Variants in ASTN2 observed in about 807,000 individuals in gnomAD.
ASTN2 encodes the protein astrotactin 2.
Under a neutral mutation model 139.8 loss-of-function variants are expected in ASTN2, and 54 were observed. That is an observed-to-expected ratio of 0.39 (90% CI 0.31 to 0.48). ASTN2 has a LOEUF of 0.48. Among genes scored for constraint, ASTN2 ranks in the 20% least tolerant of loss-of-function variants. The pLI is 0.95. For synonymous variants in ASTN2, 756 were observed against 719.5 expected (o/e 1.05, Z -0.81); for missense variants, 1,565 against 1,725.1 (o/e 0.91, Z 1.64).
intron 19 of ASTN2, chr9:116,540,831 G>T (rs1026464844): frequency 6.6e-6 from 1 of 152,072 alleles, no homozygotes; most frequent in Non-Finnish European, 1.5e-5. Context: ...TTTTTATCTT[G>T]CAGTCTCCAA....
intron 19 of ASTN2, among the ~76,000 whole-genome samples, chr9:116,503,973 T>G (rs934499311): frequency 1.3e-5 from 2 of 152,264 alleles, no homozygotes; most frequent in East Asian, 3.9e-4. Context: ...GCTGACTTCA[T>G]GAACTTGGGT....
chr9:116,931,156 G>A (rs1031142385), intron 10 of ASTN2, among the ~76,000 whole-genome samples: 1 of 152,144 alleles, frequency 6.6e-6, no homozygotes, highest in African/African-American at 2.4e-5. Flanking sequence ...CTGCTGTGAC[G>A]TACCTGGCAG....
intron 5 of ASTN2, among the ~76,000 whole-genome samples, chr9:117,054,354 C>T (rs1039068339): frequency 6.6e-6 from 1 of 152,194 alleles, no homozygotes; most frequent in Non-Finnish European, 1.5e-5. Context: ...AAATCCCTTC[C>T]CCTGGCTGGA....
intron 2 of ASTN2, among the ~76,000 whole-genome samples, chr9:117,287,463 G>A (rs1834479759): frequency 6.6e-6 from 1 of 152,212 alleles, no homozygotes; most frequent in Admixed American, 6.5e-5. Context: ...TAAGGGCATA[G>A]TTTCTGAAAC....
In ASTN2 at chr9:117,009,289, C is replaced by T. The variant is rs540904650; in HGVS notation, c.1424-1030G>A. 2.2e-3 allele frequency among the ~76,000 whole-genome samples: 341 copies of T among 152,256 alleles called. 2 individuals are homozygous for T. The highest frequency in any genetic ancestry group is 7.8e-3 in the African/African-American group (324 of 41,562). ...TTGCTCTAAAATGTTCCTTATCCCACATATATGTGGAAACATACATATATT... is the reference window on the plus strand; with the variant it reads ...TTGCTCTAAAATGTTCCTTATCCCATATATATGTGGAAACATACATATATT... On this transcript the variant is annotated intron_variant, in intron 6 of 22. Coordinates refer to ENST00000313400, the MANE Select transcript of ASTN2 (RefSeq NM_001365068.1).
At chr9:116,534,938 T>C (rs925285727) in intron 19 of ASTN2, among the ~76,000 whole-genome samples, 1 of 152,238 alleles carries the variant, frequency 6.6e-6, no homozygotes, top group African/African-American at 2.4e-5. Context: ...GTCTCATTGA[T>C]CTGTCTAATG....
intron 20 of ASTN2, among the ~76,000 whole-genome samples, chr9:116,484,407 C>G (rs1849271747): frequency 6.6e-6 from 1 of 152,192 alleles, no homozygotes; most frequent in South Asian, 2.1e-4. Context: ...AGGGTTCACA[C>G]CCAGCCCTGC....
chr9:116,656,682 CAAAAAAAA>C (rs33989865), intron 16 of ASTN2, among the ~76,000 whole-genome samples: 8 of 109,878 alleles, frequency 7.3e-5, no homozygotes, highest in Non-Finnish European at 1.1e-4. Flanking sequence ...TTGTTGCCAC[CAAAAAAAA>C]AAAAAAAAAA....
chr9:116,501,933 A>T (rs73522434), intron 19 of ASTN2, among the ~76,000 whole-genome samples: 4,996 of 150,994 alleles, frequency 0.033, 216 homozygotes, highest in African/African-American at 0.1. Context: ...TCTCCTCCAT[A>T]CTCGCACTTG....
intron 16 of ASTN2, among the ~76,000 whole-genome samples, chr9:116,704,744 A>G (rs1827946309): frequency 2.0e-5 from 3 of 152,188 alleles, no homozygotes; most frequent in Admixed American, 1.3e-4. Flanking sequence ...GGCAGAAGCA[A>G]TACTCATTCA....
chr9:116,555,280 G>A (rs931919525), intron 19 of ASTN2, among the ~76,000 whole-genome samples: 5 of 152,130 alleles, frequency 3.3e-5, no homozygotes, highest in East Asian at 1.9e-4. Flanking sequence ...CCCAGTCTGC[G>A]CCTCTCTGCT....
Position 116,698,132 on chromosome 9 carries a change from T to C in ASTN2, c.2806+27639A>G, listed in dbSNP as rs769958781. 5 of 1,614,134 alleles carry C rather than the reference T, an allele frequency of 3.1e-6. No individual in the cohort carries two copies. Among genetic ancestry groups the C allele is most frequent in the Non-Finnish European group, 3.4e-6 (4 of 1,180,018 alleles). On this transcript the variant is annotated intron_variant, in intron 16 of 22. Coordinates refer to ENST00000313400, the MANE Select transcript of ASTN2 (RefSeq NM_001365068.1). The surrounding 1 kb of genome is among the most constrained non-coding windows in gnomAD (Gnocchi z 4.4). ...CCTGCCGGGAGGCAGACCATCAGCC[T>C]CCTGGCCACTGTACACTCCCTGTCA...
chr9:116,979,948 C>G (rs10983442), intron 7 of ASTN2, among the ~76,000 whole-genome samples: 80,742 of 152,006 alleles, frequency 0.53, 25,561 homozygotes, highest in South Asian at 0.74. Context: ...GTGCACTTAC[C>G]AGGCAAGTTT....
intron 16 of ASTN2, among the ~76,000 whole-genome samples, chr9:116,692,965 T>G (rs1860647690): frequency 2.6e-5 from 4 of 152,178 alleles, no homozygotes; most frequent in Admixed American, 2.6e-4. Flanking sequence ...CCATCAGTTT[T>G]TAGCCTGTAT....
intron 4 of ASTN2, among the ~76,000 whole-genome samples, chr9:117,100,757 C>A (rs1438958071): frequency 3.3e-5 from 5 of 152,198 alleles, no homozygotes; most frequent in Admixed American, 2.6e-4. Flanking sequence ...GGATTTTTGA[C>A]CTGGATGAAA....
At chr9:116,679,976 G>A (rs926473892) in intron 16 of ASTN2, among the ~76,000 whole-genome samples, 1 of 152,076 alleles carries the variant, frequency 6.6e-6, no homozygotes, top group African/African-American at 2.4e-5. Flanking sequence ...AAAAAAGCAA[G>A]AGCAAACACA....
In ASTN2 at chr9:116,803,522, A is replaced by ATATATATAT. The variant is rs1554748694; in HGVS notation, c.2396+2109_2396+2110insATATATATA. Reference sequence around the variant, plus strand: ...TATATATATATATATATATATATATATTTTTTTTTTTTTTTTTTTTTAGAC... The same window carrying ATATATATAT: ...TATATATATATATATATATATATATATATATATATTTTTTTTTTTTTTTTTTTTTTAGAC... On this transcript the variant is annotated intron_variant, in intron 13 of 22. Transcript: ENST00000313400. 1.7e-3 allele frequency among the ~76,000 whole-genome samples: 36 copies of ATATATATAT among 21,140 alleles called. 1 individual carries two copies. Among genetic ancestry groups the ATATATATAT allele is most frequent in the African/African-American group, 5.3e-3 (24 of 4,552 alleles). 13.9% of individuals were successfully genotyped at this position (21,140 alleles called of 152,430 possible).
At chr9:117,231,251 C>A (rs1832882601) in intron 2 of ASTN2, among the ~76,000 whole-genome samples, 1 of 152,206 alleles carries the variant, frequency 6.6e-6, no homozygotes, top group African/African-American at 2.4e-5. Flanking sequence ...TAATAGAGAG[C>A]CAGGACTATT....
At chr9:117,008,346 C>T in intron 6 of ASTN2, 87 bp from the exon 7 acceptor site, 1 of 1,237,806 alleles carries the variant, frequency 8.1e-7, no homozygotes, top group Non-Finnish European at 1.1e-6. Context: ...GTGTACAAGC[C>T]ACGTTCCCCA....
Sources: allele counts gnomAD v4.1 joint callset (sites outside exome capture counted in the v4.1 genomes callset), GRCh38; gene constraint gnomAD v4.1.1; non-coding constraint Gnocchi (gnomAD v3.1); transcripts MANE v1.5; gene names NCBI Gene and HGNC (gene_info 2026-07-23, HGNC 2026-07-21).